Variants in ADAM18 observed in about 807,000 individuals in gnomAD.
ADAM18 encodes disintegrin and metalloproteinase domain-containing protein 18.
In ADAM18, 117 loss-of-function variants were observed where a neutral mutation model predicts 94.4. That is an observed-to-expected ratio of 1.24 (90% CI 1.07 to 1.45). The LOEUF (loss-of-function observed/expected upper bound fraction) is 1.45. ADAM18 is among the 40% of genes most tolerant of loss of function. The pLI is 0.00. For synonymous variants in ADAM18, 327 were observed against 291.6 expected (o/e 1.12, Z -1.24); for missense variants, 936 against 880.0 (o/e 1.06, Z -0.81).
chr8:39,664,350 A>G (rs536799939), intron 13 of ADAM18, among the ~76,000 whole-genome samples: 4 of 152,308 alleles, frequency 2.6e-5, no homozygotes, highest in Admixed American at 2.6e-4. Flanking sequence ...GAGATAATAA[A>G]AATATATGAG....
chr8:39,723,285 G>A (rs990546639), intron 18 of ADAM18, among the ~76,000 whole-genome samples: 6 of 151,296 alleles, frequency 4.0e-5, no homozygotes, highest in African/African-American at 7.3e-5. Context: ...ATATAGATGC[G>A]GATACAAGTA....
intron 2 of ADAM18, among the ~76,000 whole-genome samples, chr8:39,592,192 A>C (rs1043581976): frequency 6.6e-6 from 1 of 152,184 alleles, no homozygotes; most frequent in Non-Finnish European, 1.5e-5. Flanking sequence ...GCTTCAATTT[A>C]AAGTCACCAG....
rs367971624 is a variant in ADAM18, at chr8:39,706,836, C to T, written c.1949C>T (p.Pro650Leu). The T allele has an allele frequency of 6.2e-7, 1 of 1,610,380 alleles. No homozygotes were observed. Among genetic ancestry groups the T allele is most frequent in the African/African-American group, 1.3e-5 (1 of 74,780 alleles). ...GNCQCFPGHR[P>L]PDCKFQFGSP... ...TGTCAATGCTTCCCTGGACATAGAC[C>T]TCCAGATTGTAAATTCCAGTTTGGT... Residue 650 changes from proline to leucine, a missense_variant, in exon 18 of 20, where the codon CCT (proline) becomes CTT (leucine). Pro to Leu is a moderately conservative substitution (Grantham distance 98, BLOSUM62 -3). Coordinates refer to ENST00000265707, the MANE Select transcript of ADAM18 (RefSeq NM_014237.3).
chr8:39,648,280 G>C, intron 11 of ADAM18, 64 bp from the exon 12 acceptor site: 1 of 1,329,178 alleles, frequency 7.5e-7, no homozygotes, highest in Non-Finnish European at 1.0e-6. Flanking sequence ...TATGTATGGA[G>C]TGTTGTTTAG....
intron 2 of ADAM18, among the ~76,000 whole-genome samples, chr8:39,591,217 G>A (rs1818561749): frequency 6.6e-6 from 1 of 152,134 alleles, no homozygotes; most frequent in Non-Finnish European, 1.5e-5. Flanking sequence ...GTTGAAGGTT[G>A]GGGTGGCTGT....
intron 2 of ADAM18, among the ~76,000 whole-genome samples, chr8:39,599,433 T>C (rs1487794107): frequency 6.6e-6 from 1 of 152,194 alleles, no homozygotes; most frequent in East Asian, 1.9e-4. Flanking sequence ...AAAATTAGTA[T>C]ACATTATTTC....
At chr8:39,626,563 G>A (rs920113971) in intron 6 of ADAM18, among the ~76,000 whole-genome samples, 1 of 151,876 alleles carries the variant, frequency 6.6e-6, no homozygotes, top group African/African-American at 2.4e-5. Flanking sequence ...TCCTCTCAGC[G>A]CTGCATTTGC....
At chr8:39,585,418 TAA>T (rs1400870010) in intron 2 of ADAM18, 66 bp downstream of exon 2, 12 of 1,154,866 alleles carry the variant, frequency 1.0e-5, no homozygotes, top group Non-Finnish European at 1.4e-5. Context: ...ACCCTTATAT[TAA>T]GTCAGATCAT....
At chr8:39,709,512 C>T (rs1024447763) in intron 18 of ADAM18, among the ~76,000 whole-genome samples, 1 of 152,202 alleles carries the variant, frequency 6.6e-6, no homozygotes, top group East Asian at 1.9e-4. Flanking sequence ...GCTTGAGGTT[C>T]AGCCTTAGTT....
chr8:39,623,559 G>A (rs866567318), intron 6 of ADAM18, among the ~76,000 whole-genome samples: 32 of 151,576 alleles, frequency 2.1e-4, no homozygotes, highest in African/African-American at 7.8e-4. Context: ...GGGATAAAGT[G>A]GTATCTCATT....
rs111641142 is a variant in ADAM18 at position 39,603,403 on chromosome 8, A to G, written c.133-2904A>G. Among the ~76,000 whole-genome samples the G allele has an allele frequency of 1.6e-3, 237 of 152,252 alleles. 2 individuals are homozygous for G. Among genetic ancestry groups the G allele is most frequent in the African/African-American group, 5.6e-3 (231 of 41,558 alleles). Reference sequence around the variant, plus strand: ...TGTGCTTTACTTAATTGCAATTCACACCTGTGTCAAGCAAGTTACCTGTGC... The same window carrying G: ...TGTGCTTTACTTAATTGCAATTCACGCCTGTGTCAAGCAAGTTACCTGTGC... On this transcript the variant is annotated intron_variant, in intron 2 of 19. Transcript: ENST00000265707.
intron 10 of ADAM18, among the ~76,000 whole-genome samples, chr8:39,641,340 C>G (rs4297011): frequency 0.55 from 83,479 of 151,878 alleles, 24,263 homozygotes; most frequent in Non-Finnish European, 0.65. Context: ...CTATTTTGTT[C>G]TATTGGTTTG....
rs1317871800 is a variant in ADAM18, at chr8:39,722,207, GTGTGTGTGTGTATA to G, written c.2018-1539_2018-1526del. On this transcript the variant is annotated intron_variant, in intron 18 of 19. Transcript: ENST00000265707. ...GGTTATACCGTGTGTGTGTGTGTGT[GTGTGTGTGTGTATA>G]TATATATATATATATATATATATAT... Among the ~76,000 whole-genome samples, 260 of 76,402 alleles carry G rather than the reference GTGTGTGTGTGTATA, an allele frequency of 3.4e-3. 3 individuals carry two copies. Among genetic ancestry groups the G allele is most frequent in the African/African-American group, 0.018 (251 of 14,074 alleles). 50.1% of individuals were successfully genotyped at this position (76,402 alleles called of 152,430 possible).
In ADAM18 at chr8:39,598,754, C is replaced by T. The variant is rs570306700; in HGVS notation, c.133-7553C>T. Among the ~76,000 whole-genome samples, 4 of 128,234 alleles carry T rather than the reference C, an allele frequency of 3.1e-5. No homozygotes were observed. The South Asian group carries it at 9.8e-4, about 31-fold the overall frequency. 84.1% of individuals were successfully genotyped at this position (128,234 alleles called of 152,430 possible). A position where few individuals can be genotyped will look rare whatever the true frequency, so the allele number is the denominator to read the frequency against. ...CTGCACTCTAGCTTTGGTGGCAGAG[C>T]AAGACTCCGTCTCAAAAAAAAAAAA... On this transcript the variant is annotated intron_variant, in intron 2 of 19. Transcript: ENST00000265707.
chr8:39,702,150 GT>G (rs1822099422), intron 17 of ADAM18, among the ~76,000 whole-genome samples: 2 of 152,132 alleles, frequency 1.3e-5, no homozygotes, highest in Non-Finnish European at 2.9e-5. Context: ...GCCAGCATCT[GT>G]TATTTTTTGA....
intron 13 of ADAM18, among the ~76,000 whole-genome samples, chr8:39,666,239 C>T (rs1820990633): frequency 3.3e-5 from 5 of 152,004 alleles, no homozygotes; most frequent in African/African-American, 1.2e-4. Flanking sequence ...GGTATTCCAC[C>T]ATGTTTCCCA....
chr8:39,663,763 C>A, intron 12 of ADAM18, 32 bp from the exon 13 acceptor site: 1 of 1,446,260 alleles, frequency 6.9e-7, no homozygotes, highest in Non-Finnish European at 9.7e-7. Context: ...AGTGGTTAAA[C>A]TGTAATAATA....
chr8:39,721,275 G>A (rs1326792793), intron 18 of ADAM18, among the ~76,000 whole-genome samples: 2 of 151,306 alleles, frequency 1.3e-5, no homozygotes, highest in African/African-American at 2.4e-5. Flanking sequence ...ACTCAAGACA[G>A]GTTAACAACT....
chr8:39,587,256 T>A lies in ADAM18; in HGVS notation c.132+1904T>A, dbSNP rs1818431825. 3.3e-5 allele frequency among the ~76,000 whole-genome samples: 5 copies of A among 152,228 alleles called. No individual in the cohort carries two copies. The South Asian group carries it at 1.0e-3, about 31-fold the overall frequency. Reference sequence around the variant, plus strand: ...ATGCTGAACATGAGAATGATTCTCTTAACATATTTTCAAGTGCACAATGGT... The same window carrying A: ...ATGCTGAACATGAGAATGATTCTCTAAACATATTTTCAAGTGCACAATGGT... On this transcript the variant is annotated intron_variant, in intron 2 of 19. Transcript: ENST00000265707.
Sources: allele counts gnomAD v4.1 joint callset (sites outside exome capture counted in the v4.1 genomes callset), GRCh38; gene constraint gnomAD v4.1.1; transcripts MANE v1.5; gene names NCBI Gene and HGNC (gene_info 2026-07-23, HGNC 2026-07-21).